The following RERE variants were observed in gnomAD, a reference collection of about 807,000 sequenced individuals.
RERE encodes the protein arginine-glutamic acid dipeptide repeats protein.
Under a neutral mutation model 146.1 loss-of-function variants are expected in RERE, and 40 were observed. The observed-to-expected ratio is 0.27, with a 90% confidence interval of 0.21 to 0.36. The LOEUF (loss-of-function observed/expected upper bound fraction) is 0.36, where lower values mean the gene tolerates loss of function less well. Among genes scored for constraint, RERE ranks in the 10% least tolerant of loss-of-function variants. The pLI, the probability that RERE is intolerant of heterozygous loss-of-function variation, is 1.00. For missense variants in RERE, 1,933 were observed against 2,138.7 expected, an observed-to-expected ratio of 0.90 and a Z score of 1.90; for synonymous variants, 1,003 against 866.0, an observed-to-expected ratio of 1.16 and a Z score of -2.78.
At chr1:8,399,362 A>T (rs1643169676) in intron 12 of RERE, among the ~76,000 whole-genome samples, 1 of 152,088 alleles carries the variant, frequency 6.6e-6, no homozygotes, top group Non-Finnish European at 1.5e-5. Context: ...GCTTTAACTT[A>T]TCTGAAAGTT....
chr1:8,759,881 T>C (rs867187528), intron 1 of RERE, among the ~76,000 whole-genome samples: 5 of 147,832 alleles, frequency 3.4e-5, no homozygotes, highest in African/African-American at 1.0e-4. Context: ...ACACACAATA[T>C]GTCTTGATGA....
chr1:8,460,804 G>A lies in RERE; in HGVS notation c.1203+5121C>T, dbSNP rs574876200. Among the ~76,000 whole-genome samples, 5 of 152,280 alleles carry A rather than the reference G, an allele frequency of 3.3e-5. No homozygotes were observed. The East Asian group carries it at 5.8e-4, about 18-fold the overall frequency. On this transcript the variant is annotated intron_variant, in intron 11 of 22. Coordinates refer to ENST00000400908, the MANE Select transcript of RERE (RefSeq NM_001042681.2). ...TGAAAATAATTTTAAAAACCAAAACGCAGCTAAGTGGATAGGAAGCAAAGA... is the reference window on the plus strand; with the variant it reads ...TGAAAATAATTTTAAAAACCAAAACACAGCTAAGTGGATAGGAAGCAAAGA...
rs79464202 is a variant in RERE at position 8,784,404 on chromosome 1, C to T, written c.-145+32756G>A. 9.9e-3 allele frequency among the ~76,000 whole-genome samples: 1,503 copies of T among 152,180 alleles called. 23 individuals carry two copies. The highest frequency in any genetic ancestry group is 0.034 in the African/African-American group (1,423 of 41,494). On this transcript the variant is annotated intron_variant, in intron 1 of 22. Transcript: ENST00000400908. ...TACTACATAACATTCTTGTTTATTACCCATTGGATTCCATAGAATATAAGC... is the reference window on the plus strand; with the variant it reads ...TACTACATAACATTCTTGTTTATTATCCATTGGATTCCATAGAATATAAGC...
At chr1:8,355,845 C>T (rs902794788) in intron 21 of RERE, among the ~76,000 whole-genome samples, 1 of 152,132 alleles carries the variant, frequency 6.6e-6, no homozygotes, top group Non-Finnish European at 1.5e-5. Flanking sequence ...AGTGCTTCTC[C>T]TTCAGAGACC....
chr1:8,706,110 C>T (rs1321736224), intron 1 of RERE, among the ~76,000 whole-genome samples: 20 of 81,022 alleles, frequency 2.5e-4, no homozygotes, highest in Non-Finnish European at 3.9e-4. Flanking sequence ...AAGACTCCGT[C>T]TCCAAAAAAA....
chr1:8,425,433 A>T (rs976269286), intron 11 of RERE, among the ~76,000 whole-genome samples: 4 of 151,122 alleles, frequency 2.6e-5, no homozygotes, highest in African/African-American at 9.7e-5. Flanking sequence ...GCTAGACTGC[A>T]GTGGTCTGTA....
At chr1:8,598,869 A>G (rs1304223327) in intron 4 of RERE, among the ~76,000 whole-genome samples, 4 of 152,216 alleles carry the variant, frequency 2.6e-5, no homozygotes, top group Non-Finnish European at 4.4e-5. Flanking sequence ...ATCTTTCATG[A>G]ACAGTACTGT....
At chr1:8,359,682 G>T (rs1641471570) in intron 19 of RERE, 82 bp downstream of exon 19, 2 of 1,470,606 alleles carry the variant, frequency 1.4e-6, no homozygotes, top group Non-Finnish European at 1.9e-6. Flanking sequence ...GCAGCCAAGG[G>T]CAGAGCTCGG....
rs4908500 is a variant in RERE at position 8,461,636 on chromosome 1, G to A, written c.1203+4289C>T. On this transcript the variant is annotated intron_variant, in intron 11 of 22. Transcript: ENST00000400908. ...AACTTCAATTAGGAACATCATACAC[G>A]CACACTGTCAGAGAAATAAACTGAG... is the stretch of plus-strand genomic sequence containing the variant. 2.5e-3 allele frequency among the ~76,000 whole-genome samples: 377 copies of A among 152,158 alleles called. 8 individuals are homozygous for A. The highest frequency in any genetic ancestry group is 0.02 in the Admixed American group (304 of 15,290).
intron 4 of RERE, among the ~76,000 whole-genome samples, chr1:8,608,909 C>G (rs1178449385): frequency 1.3e-5 from 2 of 152,016 alleles, no homozygotes; most frequent in African/African-American, 2.4e-5. Flanking sequence ...ATGGTGAAAC[C>G]CTGTCTCTAC....
chr1:8,364,819 A>C lies in RERE; in HGVS notation c.1467T>G (p.Ser489Arg). ...SSEFLDLSSA[S>R]EDDFDSEDSE... is the part of the protein sequence containing the mutation. ...TGTCCTCACTGTCGAAGTCATCTTCACTGGCTGAACTTAGGTCCACTGGGC... is the reference window on the plus strand; with the variant it reads ...TGTCCTCACTGTCGAAGTCATCTTCCCTGGCTGAACTTAGGTCCACTGGGC... The change falls in exon 14 of 23, where the codon AGT (serine) becomes AGG (arginine). Residue 489 changes from serine to arginine, a missense_variant. Transcript: ENST00000400908. This position sits in a 1 kb window ranked among gnomAD's most constrained non-coding sequence, Gnocchi z 5.1. 2 of 1,601,308 alleles carry C rather than the reference A, an allele frequency of 1.2e-6. No homozygotes were observed. Among genetic ancestry groups the C allele is most frequent in the Non-Finnish European group, 1.7e-6 (2 of 1,173,214 alleles).
At chr1:8,440,765 A>C (rs1267543662) in intron 11 of RERE, among the ~76,000 whole-genome samples, 1 of 150,892 alleles carries the variant, frequency 6.6e-6, no homozygotes, top group Non-Finnish European at 1.5e-5. Context: ...GCATGGTGGT[A>C]CATGCCTGTA....
chr1:8,775,422 A>C (rs1300124984), intron 1 of RERE, among the ~76,000 whole-genome samples: 1 of 152,204 alleles, frequency 6.6e-6, no homozygotes, highest in Non-Finnish European at 1.5e-5. Context: ...AGCAAAAAAT[A>C]AAAAAATAAA....
chr1:8,478,348 A>G (rs1318807209), intron 10 of RERE, among the ~76,000 whole-genome samples: 2 of 152,234 alleles, frequency 1.3e-5, no homozygotes, highest in Non-Finnish European at 2.9e-5. Context: ...CATTTCTAAA[A>G]TGGAAGAAAA....
At chr1:8,694,076 C>A (rs1156928911) in intron 1 of RERE, among the ~76,000 whole-genome samples, 1 of 147,184 alleles carries the variant, frequency 6.8e-6, no homozygotes, top group Non-Finnish European at 1.5e-5. Flanking sequence ...CTTACATTTT[C>A]CGCACTTTTA....
chr1:8,633,707 G>T (rs936023371), intron 2 of RERE, among the ~76,000 whole-genome samples: 1 of 152,008 alleles, frequency 6.6e-6, no homozygotes, highest in African/African-American at 2.4e-5. Context: ...CAGGTGGATC[G>T]TGTGAGCCCA....
intron 7 of RERE, among the ~76,000 whole-genome samples, chr1:8,540,759 T>C (rs369307914): frequency 6.6e-6 from 1 of 152,220 alleles, no homozygotes; most frequent in African/African-American, 2.4e-5. Context: ...TAAAGATATT[T>C]CAGTGTGTGT....
At chr1:8,410,289 C>G (rs1033604769) in intron 12 of RERE, among the ~76,000 whole-genome samples, 4 of 152,066 alleles carry the variant, frequency 2.6e-5, no homozygotes, top group African/African-American at 9.7e-5. Context: ...TACAAAGGGC[C>G]GAATGATAAA....
chr1:8,704,452 C>T (rs573293455), intron 1 of RERE, among the ~76,000 whole-genome samples: 2 of 152,152 alleles, frequency 1.3e-5, no homozygotes, highest in Admixed American at 6.5e-5. Context: ...TTTCCCCTTC[C>T]AGGCAAGTTT....
Sources: gnomAD v4.1 joint callset for allele counts (sites outside exome capture counted in the v4.1 genomes callset) on GRCh38, gnomAD v4.1.1 for gene constraint, Gnocchi (gnomAD v3.1) non-coding constraint, MANE v1.5 for transcripts, NCBI Gene and HGNC (gene_info 2026-07-23, HGNC 2026-07-21) for gene names.